Variants in ZCCHC7 observed in about 807,000 individuals in gnomAD.
ZCCHC7 encodes zinc finger CCHC domain-containing protein 7.
Under a neutral mutation model 52.0 loss-of-function variants are expected in ZCCHC7, and 35 were observed. That is an observed-to-expected ratio of 0.67 (90% CI 0.51 to 0.89). The LOEUF (loss-of-function observed/expected upper bound fraction) is 0.89, where lower values mean the gene tolerates loss of function less well. Among genes scored for constraint, ZCCHC7 ranks in the 40% least tolerant of loss-of-function variants. The pLI, the probability that ZCCHC7 is intolerant of heterozygous loss-of-function variation, is 0.00. For missense variants in ZCCHC7, 574 were observed against 649.1 expected (o/e 0.88, Z 1.26); for synonymous variants, 217 against 221.5 (o/e 0.98, Z 0.18).
At chr9:37,153,414 G>T (rs577562225) in intron 2 of ZCCHC7, among the ~76,000 whole-genome samples, 1 of 151,776 alleles carries the variant, frequency 6.6e-6, no homozygotes, top group Non-Finnish European at 1.5e-5. Context: ...CAGGTGATCC[G>T]CCAGTCTCAG....
At chr9:37,234,212 A>G (rs1183038558) in intron 2 of ZCCHC7, among the ~76,000 whole-genome samples, 3 of 152,186 alleles carry the variant, frequency 2.0e-5, no homozygotes, top group African/African-American at 7.2e-5. Flanking sequence ...ATCTGTTCTC[A>G]GCATAGCTGG....
At chr9:37,263,073 G>A (rs1313769690) in intron 2 of ZCCHC7, among the ~76,000 whole-genome samples, 1 of 152,004 alleles carries the variant, frequency 6.6e-6, no homozygotes, top group Non-Finnish European at 1.5e-5. Flanking sequence ...AATTCATGTT[G>A]TACATGAGTT....
intron 2 of ZCCHC7, among the ~76,000 whole-genome samples, chr9:37,199,657 TG>T (rs1823501637): frequency 7.8e-6 from 1 of 128,854 alleles, no homozygotes; most frequent in South Asian, 2.5e-4. Context: ...TCTGTCTGTC[TG>T]TCTGTCTGTC....
At chr9:37,157,158 C>T (rs1188354046) in intron 2 of ZCCHC7, among the ~76,000 whole-genome samples, 1 of 148,200 alleles carries the variant, frequency 6.7e-6, no homozygotes, top group African/African-American at 2.5e-5. Flanking sequence ...CCAGTCTGTA[C>T]TAGTAGTCAT....
At chr9:37,218,942 A>ATTT (rs5897682) in intron 2 of ZCCHC7, among the ~76,000 whole-genome samples, 8 of 106,406 alleles carry the variant, frequency 7.5e-5, no homozygotes, top group East Asian at 2.4e-4. Flanking sequence ...CTAGAGCAAC[A>ATTT]TTTTTTTTTT....
intron 4 of ZCCHC7, 130 bp from the exon 5 acceptor site, chr9:37,305,414 G>A: frequency 9.0e-7 from 1 of 1,108,464 alleles, no homozygotes; most frequent in Non-Finnish European, 1.3e-6. Context: ...TTTTACAGTT[G>A]TGCTCAGGAT....
At chr9:37,319,772 A>G (rs1000398273) in intron 5 of ZCCHC7, among the ~76,000 whole-genome samples, 1 of 152,138 alleles carries the variant, frequency 6.6e-6, no homozygotes, top group Non-Finnish European at 1.5e-5. Context: ...TTTTATATTT[A>G]GATCTGTTAT....
chr9:37,268,461 C>G (rs990083382), intron 2 of ZCCHC7, among the ~76,000 whole-genome samples: 2 of 151,038 alleles, frequency 1.3e-5, no homozygotes, highest in South Asian at 2.1e-4. Context: ...GAGTCTCGCT[C>G]TGTTGCCCAG....
chr9:37,236,350 T>TA (rs1450257452), intron 2 of ZCCHC7, among the ~76,000 whole-genome samples: 1 of 152,120 alleles, frequency 6.6e-6, no homozygotes, highest in Non-Finnish European at 1.5e-5. Flanking sequence ...TTAAAATATA[T>TA]TTTAACCAAG....
At position 37,173,834 on chromosome 9, in the gene ZCCHC7, G is replaced by C. The variant is rs550027567; in HGVS notation, c.610+46892G>C. Among the ~76,000 whole-genome samples the C allele has an allele frequency of 2.0e-5, 3 of 152,004 alleles. No individual in the cohort carries two copies. The South Asian group carries it at 6.2e-4, about 32-fold the overall frequency. The stretch of plus-strand genomic sequence containing the variant: ...TATTTTTCTTATTAATTTTTTTAAT[G>C]ACCATCATGTTTACTCTTCTAGGCA... On this transcript the variant is annotated intron_variant, in intron 2 of 8. Transcript: ENST00000336755.
chr9:37,341,800 G>C (rs1204987584), intron 6 of ZCCHC7, among the ~76,000 whole-genome samples: 1 of 152,212 alleles, frequency 6.6e-6, no homozygotes. Flanking sequence ...GAGTGATGCA[G>C]GCAGATCAAG....
intron 3 of ZCCHC7, among the ~76,000 whole-genome samples, chr9:37,302,741 A>G (rs1372580681): frequency 6.6e-6 from 1 of 152,230 alleles, no homozygotes; most frequent in East Asian, 1.9e-4. Context: ...AATTCTACCA[A>G]ACAAGCTAAA....
chr9:37,258,191 C>G (rs185869525), intron 2 of ZCCHC7, among the ~76,000 whole-genome samples: 8 of 152,288 alleles, frequency 5.3e-5, no homozygotes, highest in Admixed American at 2.6e-4. Context: ...CTTTATGTCT[C>G]TGTTCCTCAA....
intron 2 of ZCCHC7, among the ~76,000 whole-genome samples, chr9:37,225,090 A>G (rs1825025314): frequency 6.6e-6 from 1 of 152,232 alleles, no homozygotes; most frequent in African/African-American, 2.4e-5. Flanking sequence ...TTCTATAAAC[A>G]TTCAAGTACA....
intron 2 of ZCCHC7, among the ~76,000 whole-genome samples, chr9:37,292,621 A>C (rs114891224): frequency 0.023 from 3,562 of 152,256 alleles, 129 homozygotes; most frequent in African/African-American, 0.08. Flanking sequence ...TTAAAAAAAA[A>C]CAGAATGAAC....
intron 6 of ZCCHC7, among the ~76,000 whole-genome samples, chr9:37,347,463 T>C (rs1457776981): frequency 6.6e-6 from 1 of 152,234 alleles, no homozygotes; most frequent in Non-Finnish European, 1.5e-5. Context: ...CAGTTACCTT[T>C]GCACCAACCT....
chr9:37,279,884 G>C (rs1300416191), intron 2 of ZCCHC7, among the ~76,000 whole-genome samples: 41 of 152,100 alleles, frequency 2.7e-4, no homozygotes, highest in Admixed American at 2.7e-3. Context: ...ACCGGGTGCG[G>C]TGGCTTAAGC....
intron 2 of ZCCHC7, among the ~76,000 whole-genome samples, chr9:37,198,696 C>G (rs1823420402): frequency 6.6e-6 from 1 of 152,302 alleles, no homozygotes; most frequent in African/African-American, 2.4e-5. Flanking sequence ...AATGATAGAG[C>G]TTGCTCCCTC....
Position 37,126,585 on chromosome 9 carries a change from C to T in ZCCHC7, c.253C>T (p.Leu85=). Reference sequence around the variant, plus strand: ...CCTTTCAGATAGTGAGGTCATCCAGCTGTCAGATGGGTCAGAGGTCATCAC... The same window carrying T: ...CCTTTCAGATAGTGAGGTCATCCAGTTGTCAGATGGGTCAGAGGTCATCAC... ...IVLSDSEVIQ[L]SDGSEVITLS... Residue 85 remains leucine, a synonymous_variant, in exon 2 of 9, where the codon CTG becomes TTG. Transcript: ENST00000336755. 6.2e-7 allele frequency: 1 copy of T among 1,614,160 alleles called. No homozygotes were observed. The highest frequency in any genetic ancestry group is 8.5e-7 in the Non-Finnish European group (1 of 1,180,030).
Sources: gnomAD v4.1 joint callset for allele counts (sites outside exome capture counted in the v4.1 genomes callset) on GRCh38, gnomAD v4.1.1 for gene constraint, MANE v1.5 for transcripts, NCBI Gene and HGNC (gene_info 2026-07-23, HGNC 2026-07-21) for gene names.